Variants in GMDS observed in about 807,000 individuals in gnomAD.
GMDS encodes the protein GDP-mannose 4,6 dehydratase.
In GMDS, 20 loss-of-function variants were observed where a neutral mutation model predicts 49.9. The ratio of observed to expected loss-of-function variants is 0.40; its 90% CI spans 0.28 to 0.58. GMDS has a LOEUF of 0.58. GMDS is among the 20% of genes least tolerant of loss of function. GMDS has a pLI of 0.42. For missense variants in GMDS, 362 were observed against 481.4 expected (o/e 0.75, Z 2.32); for synonymous variants, 177 against 178.6 (o/e 0.99, Z 0.07).
At chr6:1,817,499 A>G (rs552598399) in intron 7 of GMDS, among the ~76,000 whole-genome samples, 2 of 152,346 alleles carry the variant, frequency 1.3e-5, no homozygotes, top group East Asian at 3.9e-4. Flanking sequence ...GAGTGAAGTG[A>G]TATAAATATC....
At chr6:2,141,616 G>A (rs555887059) in intron 1 of GMDS, among the ~76,000 whole-genome samples, 2 of 152,282 alleles carry the variant, frequency 1.3e-5, no homozygotes, top group South Asian at 4.1e-4. Flanking sequence ...ATGAAGAGGG[G>A]AGGGGAAGAA....
chr6:2,117,477 A>G lies in GMDS; in HGVS notation c.227T>C (p.Ile76Thr), dbSNP rs369492511. 6.2e-5 allele frequency: 98 copies of G among 1,571,008 alleles called. No individual in the cohort carries two copies. Among genetic ancestry groups the G allele is most frequent in the Admixed American group, 1.3e-4 (8 of 59,940 alleles). ...AAAAGAAAATGACTTACTTCCTTCAATGTGAGCCTGGGGATTCTTATACAG... is the reference window on the plus strand; with the variant it reads ...AAAAGAAAATGACTTACTTCCTTCAGTGTGAGCCTGGGGATTCTTATACAG... The part of the protein sequence containing the change: ...EHLYKNPQAH[I>T]EGNMKLHYGD... Residue 76 changes from isoleucine to threonine, a missense_variant, in exon 3 of 11, where the codon ATT becomes ACT. Coordinates refer to ENST00000380815, the MANE Select transcript of GMDS (RefSeq NM_001500.4).
chr6:1,642,090 C>T (rs952798655), intron 9 of GMDS, among the ~76,000 whole-genome samples: 2 of 151,478 alleles, frequency 1.3e-5, no homozygotes, highest in Non-Finnish European at 2.9e-5. Flanking sequence ...TGGAACCCTG[C>T]TCTTCAGAAA....
At chr6:2,031,827 T>C (rs550426997) in intron 4 of GMDS, among the ~76,000 whole-genome samples, 81 of 152,328 alleles carry the variant, frequency 5.3e-4, no homozygotes, top group South Asian at 1.2e-3. Flanking sequence ...GATTTCTAAA[T>C]GCTAACAACT....
chr6:1,887,780 C>A (rs1430867606), intron 7 of GMDS, among the ~76,000 whole-genome samples: 1 of 152,144 alleles, frequency 6.6e-6, no homozygotes, highest in African/African-American at 2.4e-5. Context: ...CCTGCAGATA[C>A]AAAAATCCAA....
At chr6:1,637,510 C>T (rs1763197586) in intron 9 of GMDS, among the ~76,000 whole-genome samples, 1 of 152,254 alleles carries the variant, frequency 6.6e-6, no homozygotes, top group Non-Finnish European at 1.5e-5. Flanking sequence ...TATGCTCTCT[C>T]GTGGCTATAA....
intron 9 of GMDS, among the ~76,000 whole-genome samples, chr6:1,697,994 T>C (rs561710407): frequency 6.6e-5 from 10 of 152,176 alleles, no homozygotes; most frequent in Non-Finnish European, 1.5e-4. Flanking sequence ...AAGGCACCTT[T>C]AGGGGAGTCA....
intron 7 of GMDS, among the ~76,000 whole-genome samples, chr6:1,861,551 G>A (rs376041416): frequency 2.0e-5 from 3 of 150,902 alleles, no homozygotes; most frequent in African/African-American, 7.3e-5. Context: ...AGGCTGAGCA[G>A]ATTCCTCTAA....
chr6:1,969,289 A>AAAAAAAAAAAAAAAAAAAAAAG lies in GMDS; in HGVS notation c.346-8324_346-8323insCTTTTTTTTTTTTTTTTTTTTT, dbSNP rs56095985. On this transcript the variant is annotated intron_variant, in intron 4 of 10. Coordinates refer to ENST00000380815, the MANE Select transcript of GMDS (RefSeq NM_001500.4). Reference sequence around the variant, plus strand: ...AAAAAAAAAAAAAAAAAAAAAAAAAAAGAGAAAGAAAGAAAAAAAGAAATT... The same window carrying AAAAAAAAAAAAAAAAAAAAAAG: ...AAAAAAAAAAAAAAAAAAAAAAAAAAAAAAAAAAAAAAAAAAAAAAAGAGAGAAAGAAAGAAAAAAAGAAATT... Among the ~76,000 whole-genome samples the AAAAAAAAAAAAAAAAAAAAAAG allele has an allele frequency of 1.1e-4, 9 of 84,352 alleles. 1 individual carries two copies. The highest frequency in any genetic ancestry group is 1.6e-4 in the Non-Finnish European group (7 of 43,288). 55.3% of individuals were successfully genotyped at this position (84,352 alleles called of 152,430 possible). A position where few individuals can be genotyped will look rare whatever the true frequency, so the allele number is the denominator to read the frequency against.
chr6:2,051,531 A>G (rs955674052), intron 4 of GMDS, among the ~76,000 whole-genome samples: 11 of 152,326 alleles, frequency 7.2e-5, no homozygotes, highest in African/African-American at 2.6e-4. Flanking sequence ...CTTATTATAT[A>G]TAACTGGCTT....
At chr6:2,174,433 A>C (rs893383711) in intron 1 of GMDS, among the ~76,000 whole-genome samples, 2 of 152,216 alleles carry the variant, frequency 1.3e-5, no homozygotes, top group African/African-American at 4.8e-5. Flanking sequence ...AGAGTATCTA[A>C]ATCAAGGATA....
chr6:1,746,624 G>C (rs1240686116), intron 7 of GMDS, among the ~76,000 whole-genome samples: 1 of 152,174 alleles, frequency 6.6e-6, no homozygotes, highest in Non-Finnish European at 1.5e-5. Flanking sequence ...GTACTCTTCT[G>C]TAAGTATATA....
chr6:1,936,698 G>T (rs553583481), intron 6 of GMDS, among the ~76,000 whole-genome samples: 2 of 152,298 alleles, frequency 1.3e-5, no homozygotes, highest in East Asian at 1.9e-4. Context: ...CAGGCACAGT[G>T]GCTCACGCCT....
intron 7 of GMDS, among the ~76,000 whole-genome samples, chr6:1,832,420 C>G (rs556727414): frequency 1.3e-4 from 19 of 151,996 alleles, no homozygotes; most frequent in Non-Finnish European, 2.1e-4. Flanking sequence ...ATCCAAAACT[C>G]CTTAGAGATT....
chr6:2,129,559 A>G (rs1775625693), intron 1 of GMDS, among the ~76,000 whole-genome samples: 1 of 152,192 alleles, frequency 6.6e-6, no homozygotes, highest in African/African-American at 2.4e-5. Flanking sequence ...CTCTTTGTTT[A>G]GATCATCTCA....
intron 4 of GMDS, among the ~76,000 whole-genome samples, chr6:2,113,290 C>T (rs924526030): frequency 6.6e-6 from 1 of 152,092 alleles, no homozygotes; most frequent in African/African-American, 2.4e-5. Flanking sequence ...ATTCCTCACT[C>T]CCACCCCCAT....
At chr6:1,709,188 T>A (rs1429312145) in intron 9 of GMDS, among the ~76,000 whole-genome samples, 1 of 152,184 alleles carries the variant, frequency 6.6e-6, no homozygotes, top group Non-Finnish European at 1.5e-5. Context: ...CAGGAGACAG[T>A]GTCTACAGAA....
intron 4 of GMDS, among the ~76,000 whole-genome samples, chr6:2,048,434 T>C (rs998644828): frequency 6.6e-6 from 1 of 152,256 alleles, no homozygotes; most frequent in African/African-American, 2.4e-5. Context: ...TTTTAATTAA[T>C]ATGACTTAAA....
chr6:2,050,862 A>G (rs1028886166), intron 4 of GMDS, among the ~76,000 whole-genome samples: 1 of 152,208 alleles, frequency 6.6e-6, no homozygotes, highest in Non-Finnish European at 1.5e-5. Context: ...TAAACTAGGT[A>G]TTGATGGAAA....
Sources: gnomAD v4.1 joint callset for allele counts (sites outside exome capture counted in the v4.1 genomes callset) on GRCh38, gnomAD v4.1.1 for gene constraint, MANE v1.5 for transcripts, NCBI Gene and HGNC (gene_info 2026-07-23, HGNC 2026-07-21) for gene names.